The following COG3 variants were observed in gnomAD, a reference collection of about 807,000 sequenced individuals.
COG3 encodes conserved oligomeric Golgi complex subunit 3.
A neutral mutation model predicts 114.1 loss-of-function variants in COG3; 32 were observed. That is an observed-to-expected ratio of 0.28 (90% confidence interval 0.21 to 0.38). The LOEUF (loss-of-function observed/expected upper bound fraction) is 0.38. Among genes scored for constraint, COG3 ranks in the 10% least tolerant of loss-of-function variants. The pLI is 1.00. For missense variants in COG3, 813 were observed against 973.2 expected (o/e 0.84, Z 2.19); for synonymous variants, 352 against 365.7 (o/e 0.96, Z 0.43).
chr13:45,478,966 T>G (rs750568932), intron 2 of COG3, 39 bp from the exon 3 acceptor site: 9 of 1,477,772 alleles, frequency 6.1e-6, no homozygotes, highest in Non-Finnish European at 8.5e-6. Context: ...ATTTTGTCAG[T>G]TTTAGTTTTG....
intron 7 of COG3, 23 bp from the exon 8 acceptor site, chr13:45,486,472 T>G (rs765440883): frequency 1.4e-6 from 2 of 1,427,520 alleles, no homozygotes; most frequent in Admixed American, 3.4e-5. Flanking sequence ...CTTCCTTCCT[T>G]ATCCTCCCCC....
intron 20 of COG3, among the ~76,000 whole-genome samples, chr13:45,526,054 A>G (rs1593752777): frequency 8.2e-6 from 1 of 121,832 alleles, no homozygotes; most frequent in South Asian, 2.7e-4. Context: ...GATTGAAGCT[A>G]TTCAAAGCCT....
intron 12 of COG3, among the ~76,000 whole-genome samples, chr13:45,494,422 T>C (rs1868491113): frequency 6.6e-6 from 1 of 152,148 alleles, no homozygotes; most frequent in African/African-American, 2.4e-5. Flanking sequence ...AATTTGTTAC[T>C]CTTCCAAAGT....
rs754382867 is a variant in COG3, at chr13:45,491,496, T to C, written c.1053T>C (p.Val351=). Residue 351 remains valine, a synonymous_variant, in exon 10 of 23, where the codon GTT becomes GTC. Coordinates refer to ENST00000349995, the MANE Select transcript of COG3 (RefSeq NM_031431.4). ...TGGGCCCTAGTATTGCTTGCACTGT[T>C]GCAGAGTTAACCAGCCAAAATAATA... ...LLLGPSIACT[V]AELTSQNNRD... is the part of the protein sequence containing the mutation. 9 of 1,613,630 alleles carry C rather than the reference T, an allele frequency of 5.6e-6. No individual in the cohort carries two copies. Among genetic ancestry groups the C allele is most frequent in the Non-Finnish European group, 7.6e-6 (9 of 1,179,706 alleles).
intron 22 of COG3, among the ~76,000 whole-genome samples, chr13:45,533,239 A>G (rs1233510993): frequency 1.3e-5 from 2 of 151,630 alleles, no homozygotes; most frequent in Non-Finnish European, 2.9e-5. Context: ...TTCTCCAGTT[A>G]TAGTCACTTG....
intron 20 of COG3, among the ~76,000 whole-genome samples, chr13:45,525,653 G>GTTTTTTTTTTA (rs1872603141): frequency 1.3e-4 from 1 of 7,432 alleles, no homozygotes; most frequent in Non-Finnish European, 2.7e-4. Flanking sequence ...TTTTTTTTTT[G>GTTTTTTTTTTA]GTCTTTAGCG....
rs1196923328 is a variant in COG3, at chr13:45,483,249, C to T, written c.737C>T (p.Pro246Leu). Residue 246 changes from proline (P) to leucine (L), a missense_variant, in exon 7 of 23, where the codon CCC becomes CTC. Around this residue, in one of 2 missense-constraint regions of COG3, gnomAD observed 424 missense variants for 430.6 expected, o/e 0.98. Transcript: ENST00000349995. ...ISSHPNFKDY[P>L]IYLLKFKQCL... ...TTACAGCCTAATTTTAAAGATTATCCCATATATTTGCTGAAGTTTAAACAG... is the reference window on the plus strand; with the variant it reads ...TTACAGCCTAATTTTAAAGATTATCTCATATATTTGCTGAAGTTTAAACAG... 3.8e-6 allele frequency: 6 copies of T among 1,581,914 alleles called. No homozygotes were observed. Among genetic ancestry groups the T allele is most frequent in the African/African-American group, 1.3e-5 (1 of 74,208 alleles).
At chr13:45,519,524 T>C (rs1452186427) in intron 19 of COG3, among the ~76,000 whole-genome samples, 1 of 152,202 alleles carries the variant, frequency 6.6e-6, no homozygotes, top group African/African-American at 2.4e-5. Flanking sequence ...CCATTTTGCA[T>C]GGATAATTGA....
intron 6 of COG3, among the ~76,000 whole-genome samples, chr13:45,482,910 T>G (rs1477152829): frequency 1.3e-5 from 2 of 152,230 alleles, no homozygotes; most frequent in African/African-American, 4.8e-5. Context: ...GATTTATTGC[T>G]GTGTTTATTT....
At chr13:45,479,095 A>G (rs1471554706) in intron 3 of COG3, 29 bp downstream of exon 3, 3 of 1,501,492 alleles carry the variant, frequency 2.0e-6, no homozygotes, top group Non-Finnish European at 2.7e-6. Flanking sequence ...TTTGTTGAAT[A>G]TCTTAATTTT....
At position 45,535,040 on chromosome 13, in the gene COG3, G is replaced by A; in HGVS notation, c.*309G>A. The A allele has an allele frequency of 8.8e-7, 1 of 1,134,984 alleles. No individual in the cohort carries two copies. Among genetic ancestry groups the A allele is most frequent in the Non-Finnish European group, 1.1e-6 (1 of 928,080 alleles). The allele number at this position is 1,134,984 out of a possible 1,614,324, so 70.3% of individuals were successfully genotyped here. A position where few individuals can be genotyped will look rare whatever the true frequency, so the allele number is the denominator to read the frequency against. ...AGTGAAATGGTTCTTTGTTAAAAAT[G>A]TGCAATAAAAATAGATTACAATAAG... On this transcript the variant is annotated 3_prime_UTR_variant, in exon 23 of 23. Coordinates refer to ENST00000349995, the MANE Select transcript of COG3 (RefSeq NM_031431.4).
intron 21 of COG3, 38 bp from the exon 22 acceptor site, chr13:45,530,644 C>T (rs1421044184): frequency 8.0e-7 from 1 of 1,251,914 alleles, no homozygotes. Context: ...GTGTTTAAGA[C>T]AACTCATTTG....
chr13:45,496,458 G>C, intron 13 of COG3, 146 bp downstream of exon 13: 1 of 513,890 alleles, frequency 1.9e-6, no homozygotes, highest in Non-Finnish European at 2.8e-6. Flanking sequence ...GAGCTCAAGT[G>C]ATCCACCTGC....
chr13:45,514,541 T>A (rs1871330461), intron 16 of COG3, among the ~76,000 whole-genome samples: 1 of 152,242 alleles, frequency 6.6e-6, no homozygotes, highest in Non-Finnish European at 1.5e-5. Context: ...GCCATCCTCT[T>A]TTATCTAATT....
chr13:45,524,355 A>G (rs1023687177), intron 19 of COG3, among the ~76,000 whole-genome samples: 1 of 152,214 alleles, frequency 6.6e-6, no homozygotes, highest in Non-Finnish European at 1.5e-5. Flanking sequence ...CAAGCAGCTA[A>G]GTGCCCTTTT....
At chr13:45,471,378 C>G (rs921103492) in intron 1 of COG3, among the ~76,000 whole-genome samples, 9 of 152,152 alleles carry the variant, frequency 5.9e-5, no homozygotes, top group African/African-American at 2.2e-4. Context: ...GTGATTGCAC[C>G]ATGGCACTTC....
chr13:45,483,277 T>C lies in COG3; in HGVS notation c.765T>C (p.Cys255=), dbSNP rs767369577. The change falls in exon 7 of 23, where the codon TGT becomes TGC. Residue 255 remains cysteine, a synonymous_variant. Transcript: ENST00000349995. The part of the protein sequence containing the change: ...YPIYLLKFKQ[C]LSKALHLMKT... Reference sequence around the variant, plus strand: ...TATATTTGCTGAAGTTTAAACAGTGTCTTTCTAAAGCTTTGCACCTCATGA... The same window carrying C: ...TATATTTGCTGAAGTTTAAACAGTGCCTTTCTAAAGCTTTGCACCTCATGA... 6.3e-6 allele frequency: 10 copies of C among 1,580,888 alleles called. No individual in the cohort carries two copies. The highest frequency in any genetic ancestry group is 7.8e-6 in the Non-Finnish European group (9 of 1,150,212).
chr13:45,496,390 T>G, intron 13 of COG3, 78 bp downstream of exon 13: 10 of 1,116,210 alleles, frequency 9.0e-6, no homozygotes, highest in Non-Finnish European at 1.1e-5. Context: ...TTTAAAAATT[T>G]ATATATTAAA....
At chr13:45,527,790 A>G (rs1010610093) in intron 20 of COG3, among the ~76,000 whole-genome samples, 20 of 152,192 alleles carry the variant, frequency 1.3e-4, no homozygotes, top group African/African-American at 4.6e-4. Flanking sequence ...GTGTGTTAGT[A>G]ATGATAGAAC....
Sources: allele counts gnomAD v4.1 joint callset (sites outside exome capture counted in the v4.1 genomes callset), GRCh38; gene constraint gnomAD v4.1.1; regional missense constraint gnomAD v4.1.1; transcripts MANE v1.5; gene names NCBI Gene and HGNC (gene_info 2026-07-23, HGNC 2026-07-21).